Variants in CNTLN observed in about 807,000 individuals in gnomAD.
The protein encoded by CNTLN is centlein.
In CNTLN, 212 loss-of-function variants were observed where a neutral mutation model predicts 180.0. That is an observed-to-expected ratio of 1.18 (90% CI 1.05 to 1.32). The LOEUF (loss-of-function observed/expected upper bound fraction) is 1.32. Among genes scored for constraint, CNTLN ranks in the 40% most tolerant of loss-of-function variants. The pLI, the probability that CNTLN is intolerant of heterozygous loss-of-function variation, is 0.00. For synonymous variants in CNTLN, 722 were observed against 563.1 expected, an observed-to-expected ratio of 1.28 and a Z score of -3.99; for missense variants, 2,095 against 1,610.9, an observed-to-expected ratio of 1.30 and a Z score of -5.14.
chr9:17,401,245 A>G (rs16935616), intron 15 of CNTLN, among the ~76,000 whole-genome samples: 4,680 of 152,270 alleles, frequency 0.031, 239 homozygotes, highest in African/African-American at 0.11. Flanking sequence ...TTTTTGATGG[A>G]TGACCAGACT....
At chr9:17,327,166 A>C (rs1481422216) in intron 8 of CNTLN, among the ~76,000 whole-genome samples, 1 of 150,526 alleles carries the variant, frequency 6.6e-6, no homozygotes, top group African/African-American at 2.4e-5. Flanking sequence ...AATAAAGTCT[A>C]TTAATTTTTA....
At chr9:17,202,556 C>A (rs1398862433) in intron 2 of CNTLN, among the ~76,000 whole-genome samples, 1 of 151,726 alleles carries the variant, frequency 6.6e-6, no homozygotes, top group Non-Finnish European at 1.5e-5. Context: ...TTGCATTGAT[C>A]CCTTTGCCAT....
intron 8 of CNTLN, among the ~76,000 whole-genome samples, chr9:17,319,803 T>G (rs1324651129): frequency 6.6e-6 from 1 of 152,128 alleles, no homozygotes; most frequent in Non-Finnish European, 1.5e-5. Flanking sequence ...TTTTTTTTTC[T>G]TATATTGGTG....
chr9:17,366,245 C>T (rs1823805678), intron 12 of CNTLN, among the ~76,000 whole-genome samples: 2 of 152,228 alleles, frequency 1.3e-5, no homozygotes, highest in South Asian at 2.1e-4. Context: ...GCTGCCTCAG[C>T]ATCCCAAGTA....
chr9:17,335,537 T>TCAATTCAGA (rs1336736627), intron 10 of CNTLN, among the ~76,000 whole-genome samples: 2 of 152,134 alleles, frequency 1.3e-5, no homozygotes, highest in Non-Finnish European at 2.9e-5. Flanking sequence ...ATGTTTTTAA[T>TCAATTCAGA]CAATTCAGAA....
At chr9:17,445,888 C>T (rs189145847) in intron 18 of CNTLN, among the ~76,000 whole-genome samples, 4 of 152,028 alleles carry the variant, frequency 2.6e-5, no homozygotes, top group South Asian at 4.1e-4. Context: ...TGGAATGTCC[C>T]GGTATAAAAC....
At chr9:17,441,594 A>C (rs1588001824) in intron 18 of CNTLN, among the ~76,000 whole-genome samples, 1 of 109,072 alleles carries the variant, frequency 9.2e-6, no homozygotes, top group Non-Finnish European at 1.8e-5. Flanking sequence ...GTGTCACTGC[A>C]AAAAAAAAAA....
At chr9:17,211,162 T>A (rs1420395505) in intron 2 of CNTLN, among the ~76,000 whole-genome samples, 5 of 152,306 alleles carry the variant, frequency 3.3e-5, no homozygotes, top group South Asian at 2.1e-4. Flanking sequence ...TTGCCTAGGT[T>A]TTCTTCTAGG....
intron 2 of CNTLN, among the ~76,000 whole-genome samples, chr9:17,189,756 G>C (rs376596606): frequency 8.6e-5 from 13 of 151,874 alleles, no homozygotes; most frequent in African/African-American, 2.7e-4. Context: ...CAAAGTGTTG[G>C]GATTACAGAC....
chr9:17,330,151 C>A (rs908709045), intron 8 of CNTLN, among the ~76,000 whole-genome samples: 20 of 151,946 alleles, frequency 1.3e-4, no homozygotes, highest in African/African-American at 4.8e-4. Flanking sequence ...TTAAAATTGT[C>A]AGGGTTCTTT....
At chr9:17,519,277 T>C in the CNTLN span, among the ~76,000 whole-genome samples, 4 of 150,842 alleles carry the variant, frequency 2.7e-5, no homozygotes, top group African/African-American at 7.3e-5. Context: ...GAAAAACGTA[T>C]CCCTTCCTCA....
chr9:17,168,832 A>C (rs577429483), intron 2 of CNTLN, among the ~76,000 whole-genome samples: 11 of 152,082 alleles, frequency 7.2e-5, no homozygotes, highest in Non-Finnish European at 1.5e-4. Flanking sequence ...AGTGGGTTAT[A>C]GTAGAGTAGG....
At chr9:17,379,388 C>G (rs573330230) in intron 13 of CNTLN, among the ~76,000 whole-genome samples, 92 of 151,162 alleles carry the variant, frequency 6.1e-4, no homozygotes, top group South Asian at 1.7e-3. Context: ...GATCTCTCCT[C>G]TATGACACTT....
At chr9:17,267,438 G>A (rs1017405604) in intron 5 of CNTLN, among the ~76,000 whole-genome samples, 1 of 152,116 alleles carries the variant, frequency 6.6e-6, no homozygotes, top group East Asian at 1.9e-4. Context: ...CCCTTTGTGG[G>A]TAACCCGACC....
intron 18 of CNTLN, chr9:17,444,211 C>G (rs1474841756): frequency 1.3e-5 from 2 of 152,218 alleles, no homozygotes; most frequent in African/African-American, 4.8e-5. Context: ...GACCAGCTTT[C>G]TCCATGCAGC....
chr9:17,301,692 C>G (rs1449158842), intron 7 of CNTLN: 2 of 961,648 alleles, frequency 2.1e-6, no homozygotes, highest in Admixed American at 6.2e-5. Context: ...CTCAACTAGA[C>G]TCAATTTGAA....
chr9:17,416,928 A>G (rs926028815), intron 18 of CNTLN, among the ~76,000 whole-genome samples: 1 of 152,188 alleles, frequency 6.6e-6, no homozygotes, highest in Non-Finnish European at 1.5e-5. Flanking sequence ...TGTCTCACAT[A>G]ATTTTAAGTT....
Position 17,463,981 on chromosome 9 carries a change from A to G in CNTLN, c.3405-516A>G, listed in dbSNP as rs532596649. 1.5e-4 allele frequency among the ~76,000 whole-genome samples: 22 copies of G among 151,664 alleles called. No individual in the cohort carries two copies. The East Asian group carries it at 2.9e-3, about 20-fold the overall frequency. ...AGTAGCAGTGGTTCTCACAGCATCT[A>G]CCATTTTATACTTAATAGTTCATCA... On this transcript the variant is annotated intron_variant, in intron 20 of 25. Coordinates refer to ENST00000380647, the MANE Select transcript of CNTLN (RefSeq NM_017738.4).
intron 6 of CNTLN, among the ~76,000 whole-genome samples, chr9:17,290,730 G>C (rs1189238729): frequency 2.0e-5 from 3 of 151,666 alleles, no homozygotes; most frequent in African/African-American, 7.2e-5. Flanking sequence ...TTTTTAAGCC[G>C]GTCTGAAAAG....
Sources: allele counts gnomAD v4.1 joint callset (sites outside exome capture counted in the v4.1 genomes callset), GRCh38; gene constraint gnomAD v4.1.1; transcripts MANE v1.5; gene names NCBI Gene and HGNC (gene_info 2026-07-23, HGNC 2026-07-21).